EGFLAM: variants seen among roughly 807,000 people sequenced by gnomAD.
EGFLAM encodes the protein pikachurin.
Under a neutral mutation model 113.1 loss-of-function variants are expected in EGFLAM, and 79 were observed. That is an observed-to-expected ratio of 0.70 (90% CI 0.58 to 0.84). The LOEUF (loss-of-function observed/expected upper bound fraction) is 0.84, where lower values mean the gene tolerates loss of function less well. Among genes scored for constraint, EGFLAM ranks in the 40% least tolerant of loss-of-function variants. The pLI, the probability that EGFLAM is intolerant of heterozygous loss-of-function variation, is 0.00. For missense variants in EGFLAM, 1,265 were observed against 1,291.6 expected (o/e 0.98, Z 0.32); for synonymous variants, 504 against 487.6 (o/e 1.03, Z -0.44).
At chr5:38,381,455 A>G (rs1281517139) in intron 6 of EGFLAM, among the ~76,000 whole-genome samples, 1 of 152,210 alleles carries the variant, frequency 6.6e-6, no homozygotes, top group Admixed American at 6.5e-5. Context: ...ACAAATATAA[A>G]TGAGAAGCAA....
Position 38,370,415 on chromosome 5 carries a change from A to T in EGFLAM, c.665A>T (p.His222Leu), listed in dbSNP as rs766616124. The change falls in exon 6 of 22, where the codon CAT becomes CTT. Residue 222 changes from histidine to leucine, a missense_variant. Coordinates refer to ENST00000322350, the MANE Select transcript of EGFLAM (RefSeq NM_152403.4). ...TTTGCCGTGAGGGCAATGAATTCCC[A>T]TGGCCCCAGCCCCCGCAGCTGGCCC... Reference protein sequence around the residue: ...YQFAVRAMNSHGPSPRSWPSD... With the variant: ...YQFAVRAMNSLGPSPRSWPSD... 8.7e-6 allele frequency: 14 copies of T among 1,614,034 alleles called. No homozygotes were observed. In the South Asian group the frequency reaches 1.5e-4, roughly 18 times the overall value.
chr5:38,418,254 G>A lies in EGFLAM; in HGVS notation c.1683G>A (p.Val561=). 6.2e-7 allele frequency: 1 copy of A among 1,613,932 alleles called. No individual in the cohort carries two copies. The highest frequency in any genetic ancestry group is 8.5e-7 in the Non-Finnish European group (1 of 1,179,906). ...GAAAAGCACTCAGTGGGGCTGATGTGGGTAAGTGGCTGCCTGGTGGGTTGG... is the reference window on the plus strand; with the variant it reads ...GAAAAGCACTCAGTGGGGCTGATGTAGGTAAGTGGCTGCCTGGTGGGTTGG... ...PLGKALSGAD[V]GECSSGICDE... The change falls in exon 12 of 22, where the codon GTG becomes GTA. Residue 561 remains valine, a splice_region_variant and synonymous_variant. Transcript: ENST00000322350.
At chr5:38,451,946 C>G (rs997395393) in intron 19 of EGFLAM, among the ~76,000 whole-genome samples, 3 of 143,504 alleles carry the variant, frequency 2.1e-5, no homozygotes, top group Non-Finnish European at 4.5e-5. Flanking sequence ...GAGCTGAGAT[C>G]GCGCTACTGC....
chr5:38,427,106 A>T lies in EGFLAM; in HGVS notation c.1908A>T (p.Glu636Asp). 6.2e-7 allele frequency: 1 copy of T among 1,614,032 alleles called. No homozygotes were observed. Among genetic ancestry groups the T allele is most frequent in the South Asian group, 1.1e-5 (1 of 91,058 alleles). Residue 636 changes from glutamate (E) to aspartate (D), a missense_variant, in exon 14 of 22, where the codon GAA becomes GAT. Transcript: ENST00000322350. ...LEPQHYLSFM[E>D]FEITFRPDSG... is the part of the protein sequence containing the mutation. Reference sequence around the variant, plus strand: ...CCCAGCATTACCTTTCCTTCATGGAATTTGAGATCACATTTCGGCCAGACT... The same window carrying T: ...CCCAGCATTACCTTTCCTTCATGGATTTTGAGATCACATTTCGGCCAGACT...
chr5:38,336,901 C>T (rs1298766368), intron 1 of EGFLAM, among the ~76,000 whole-genome samples: 2 of 152,070 alleles, frequency 1.3e-5, no homozygotes, highest in Non-Finnish European at 2.9e-5. Context: ...TAACAAGACT[C>T]ATTTCTGAAT....
intron 6 of EGFLAM, among the ~76,000 whole-genome samples, chr5:38,383,415 T>C (rs78114882): frequency 2.5e-5 from 3 of 118,458 alleles, no homozygotes; most frequent in African/African-American, 7.7e-5. Flanking sequence ...TTGTCAGGCC[T>C]TTTTTTTTTT....
intron 6 of EGFLAM, among the ~76,000 whole-genome samples, chr5:38,388,923 A>AAC (rs10656074): frequency 0.2 from 29,949 of 148,426 alleles, 3,201 homozygotes; most frequent in Non-Finnish European, 0.2. Flanking sequence ...TCAAGAAAAA[A>AAC]AAAAAAAAAC....
chr5:38,301,373 G>C (rs1301117953), intron 1 of EGFLAM, among the ~76,000 whole-genome samples: 1 of 152,108 alleles, frequency 6.6e-6, no homozygotes, highest in Non-Finnish European at 1.5e-5. Flanking sequence ...CTGGCCGTGG[G>C]GTTTAAGCAA....
intron 1 of EGFLAM, among the ~76,000 whole-genome samples, chr5:38,264,848 C>G (rs1474139361): frequency 6.6e-6 from 1 of 152,214 alleles, no homozygotes; most frequent in Non-Finnish European, 1.5e-5. Context: ...TCCCCAGCAC[C>G]CAACTCCTAG....
At chr5:38,370,236 G>T (rs1740167976) in intron 5 of EGFLAM, 60 bp from the exon 6 acceptor site, 1 of 1,558,954 alleles carries the variant, frequency 6.4e-7, no homozygotes, top group Non-Finnish European at 8.8e-7. Context: ...TAGCCAGCTA[G>T]CTTCCCTTCC....
chr5:38,427,096 C>T lies in EGFLAM; in HGVS notation c.1898C>T (p.Ser633Phe). ...PWPLEPQHYLSFMEFEITFRP... is the reference protein window; with the variant it reads ...PWPLEPQHYLFFMEFEITFRP... ...CCACTGGAGCCCCAGCATTACCTTTCCTTCATGGAATTTGAGATCACATTT... is the reference window on the plus strand; with the variant it reads ...CCACTGGAGCCCCAGCATTACCTTTTCTTCATGGAATTTGAGATCACATTT... Residue 633 changes from serine to phenylalanine, a missense_variant, in exon 14 of 22, where the codon TCC (serine) becomes TTC (phenylalanine). Ser to Phe is a radical substitution (Grantham distance 155, BLOSUM62 -2). Coordinates refer to ENST00000322350, the MANE Select transcript of EGFLAM (RefSeq NM_152403.4). 1 of 1,614,118 alleles carries T rather than the reference C, an allele frequency of 6.2e-7. No homozygotes were observed. The highest frequency in any genetic ancestry group is 2.2e-5 in the East Asian group (1 of 44,882).
chr5:38,397,738 G>A (rs1740998283), intron 6 of EGFLAM, among the ~76,000 whole-genome samples: 1 of 152,172 alleles, frequency 6.6e-6, no homozygotes, highest in Non-Finnish European at 1.5e-5. Context: ...GGTTCCAACA[G>A]GTGTCCACAT....
intron 1 of EGFLAM, among the ~76,000 whole-genome samples, chr5:38,276,132 T>C (rs921500090): frequency 6.6e-6 from 1 of 152,160 alleles, no homozygotes; most frequent in African/African-American, 2.4e-5. Context: ...GCAAGTCATG[T>C]ATTATATGGA....
chr5:38,397,277 A>G (rs1179308271), intron 6 of EGFLAM, among the ~76,000 whole-genome samples: 1 of 152,136 alleles, frequency 6.6e-6, no homozygotes, highest in Non-Finnish European at 1.5e-5. Flanking sequence ...CCAGCAGATT[A>G]TTTGGGGGAA....
chr5:38,375,060 G>GTTTTTTTT (rs74821426), intron 6 of EGFLAM, among the ~76,000 whole-genome samples: 4 of 107,732 alleles, frequency 3.7e-5, no homozygotes, highest in Non-Finnish European at 5.7e-5. Context: ...CTCTGTTGTT[G>GTTTTTTTT]TTTTTTTTTT....
intron 1 of EGFLAM, among the ~76,000 whole-genome samples, chr5:38,296,573 G>C (rs535605336): frequency 2.0e-5 from 3 of 151,968 alleles, no homozygotes; most frequent in Non-Finnish European, 4.4e-5. Flanking sequence ...ACTGAGGCAG[G>C]CAAGATCTAC....
chr5:38,451,259 C>T (rs968850786), intron 18 of EGFLAM, 56 bp from the exon 19 acceptor site: 139 of 1,587,006 alleles, frequency 8.8e-5, no homozygotes, highest in Non-Finnish European at 1.1e-4. Context: ...ACTGGAATTA[C>T]TCGGAAACAG....
chr5:38,425,031 C>A lies in EGFLAM; in HGVS notation c.1749C>A (p.Ile583=). ...TCCATGGTGGCACCTGCACAGCAAT[C>A]AAAGCCGACTCCTACATTTGCCTCT... ...SCIHGGTCTA[I]KADSYICLCP... The change falls in exon 13 of 22, where the codon ATC becomes ATA. Residue 583 remains isoleucine, a synonymous_variant. Coordinates refer to ENST00000322350, the MANE Select transcript of EGFLAM (RefSeq NM_152403.4). 1 of 1,614,072 alleles carries A rather than the reference C, an allele frequency of 6.2e-7. No individual in the cohort carries two copies. The highest frequency in any genetic ancestry group is 1.1e-5 in the South Asian group (1 of 91,070).
At chr5:38,394,567 G>A (rs1219236121) in intron 6 of EGFLAM, among the ~76,000 whole-genome samples, 2 of 151,640 alleles carry the variant, frequency 1.3e-5, no homozygotes, top group Admixed American at 6.6e-5. Context: ...CCGCCACCAC[G>A]CCCGGCTAAT....
Sources: allele counts gnomAD v4.1 joint callset (sites outside exome capture counted in the v4.1 genomes callset), GRCh38; gene constraint gnomAD v4.1.1; transcripts MANE v1.5; gene names NCBI Gene and HGNC (gene_info 2026-07-23, HGNC 2026-07-21).